Variants in LGR5 observed in about 807,000 individuals in gnomAD.
LGR5 encodes leucine-rich repeat-containing G protein-coupled receptor 5.
A neutral mutation model predicts 76.7 loss-of-function variants in LGR5; 54 were observed. That is an observed-to-expected ratio of 0.70 (90% confidence interval 0.57 to 0.88). The LOEUF is 0.88. LGR5 is among the 40% of genes least tolerant of loss of function. The probability of loss-of-function intolerance (pLI) is 0.00; values close to 1 mark genes in which losing one functional copy is unlikely to be tolerated. For synonymous variants in LGR5, 406 were observed against 421.9 expected, an observed-to-expected ratio of 0.96 and a Z score of 0.46; for missense variants, 1,078 against 1,073.3, an observed-to-expected ratio of 1.00 and a Z score of -0.06.
intron 11 of LGR5, 48 bp downstream of exon 11, chr12:71,566,960 T>G (rs775100824): frequency 7.4e-7 from 1 of 1,353,968 alleles, no homozygotes; most frequent in South Asian, 1.2e-5. Context: ...CAACTTCCAT[T>G]TAGGGGTGAA....
Position 71,511,831 on chromosome 12 carries a change from C to A in LGR5, c.284+7146C>A, listed in dbSNP as rs557458217. ...TCTTATTATCCAGACTTGTGCCTGC[C>A]CTGTCATTTTCTTCTCTTACCTCCT... On this transcript the variant is annotated intron_variant, in intron 2 of 17. Transcript: ENST00000266674. Among the ~76,000 whole-genome samples the A allele has an allele frequency of 9.2e-5, 14 of 152,146 alleles. No homozygotes were observed. The East Asian group carries it at 2.7e-3, about 29-fold the overall frequency.
At chr12:71,455,346 CT>C (rs1170417434) in intron 1 of LGR5, among the ~76,000 whole-genome samples, 1 of 152,014 alleles carries the variant, frequency 6.6e-6, no homozygotes, top group Non-Finnish European at 1.5e-5. Flanking sequence ...TTCAGTCATT[CT>C]AGGAGTCTAC....
chr12:71,566,454 A>G lies in LGR5; in HGVS notation c.908A>G (p.His303Arg). The change falls in exon 9 of 18, where the codon CAT (histidine) becomes CGT (arginine). Residue 303 changes from histidine to arginine, a missense_variant. His to Arg is a conservative substitution (Grantham distance 29). Transcript: ENST00000266674. ...TTTGTTGGGAGATCTGCTTTTCAAC[A>G]TTTACCTGAACTAAGAACACTGTAA... ...IQFVGRSAFQ[H>R]LPELRTLTLN... The G allele has an allele frequency of 6.2e-7, 1 of 1,604,920 alleles. No individual in the cohort carries two copies. The highest frequency in any genetic ancestry group is 8.5e-7 in the Non-Finnish European group (1 of 1,171,962).
rs1263230195 is a variant in LGR5 at position 71,511,143 on chromosome 12, C to T, written c.284+6458C>T. 4.6e-5 allele frequency among the ~76,000 whole-genome samples: 7 copies of T among 152,194 alleles called. 1 individual carries two copies. In the South Asian group the frequency reaches 8.3e-4, roughly 18 times the overall value. On this transcript the variant is annotated intron_variant, in intron 2 of 17. Transcript: ENST00000266674. ...AAATAGATTGGGGAATTATGGAAGCCGAAGGACCTGGTAGGAGGCTACGAT... is the reference window on the plus strand; with the variant it reads ...AAATAGATTGGGGAATTATGGAAGCTGAAGGACCTGGTAGGAGGCTACGAT...
At chr12:71,482,771 T>G (rs1002672880) in intron 1 of LGR5, among the ~76,000 whole-genome samples, 12 of 152,242 alleles carry the variant, frequency 7.9e-5, no homozygotes, top group Admixed American at 7.2e-4. Flanking sequence ...GTGTCAAGAC[T>G]GGGAAATTCT....
intron 13 of LGR5, among the ~76,000 whole-genome samples, chr12:71,575,720 ATATGTGTGTGTGTGTGTGTG>A (rs1565775047): frequency 1.6e-5 from 2 of 122,738 alleles, no homozygotes; most frequent in African/African-American, 8.2e-5. Context: ...CAAAAAATAT[ATATGTGTGTGTGTGTGTGTG>A]TGTGTGTGTG....
chr12:71,570,025 G>A (rs569946356), intron 11 of LGR5, among the ~76,000 whole-genome samples: 28 of 152,268 alleles, frequency 1.8e-4, no homozygotes, highest in Admixed American at 1.3e-3. Flanking sequence ...GGATGAAGCC[G>A]GAAGTCATTA....
At chr12:71,515,107 C>T (rs1382473684) in intron 2 of LGR5, among the ~76,000 whole-genome samples, 1 of 152,200 alleles carries the variant, frequency 6.6e-6, no homozygotes, top group African/African-American at 2.4e-5. Flanking sequence ...TCAATTGCTG[C>T]TGTCATGCAT....
chr12:71,475,845 A>G (rs1290722046), intron 1 of LGR5, among the ~76,000 whole-genome samples: 1 of 152,212 alleles, frequency 6.6e-6, no homozygotes, highest in African/African-American at 2.4e-5. Context: ...TATAGATTTT[A>G]TATTAAATCT....
At chr12:71,515,457 A>G (rs1322759346) in intron 2 of LGR5, among the ~76,000 whole-genome samples, 6 of 152,262 alleles carry the variant, frequency 3.9e-5, no homozygotes, top group African/African-American at 1.4e-4. Flanking sequence ...TTTTACATTT[A>G]AATGATAGTT....
intron 1 of LGR5, among the ~76,000 whole-genome samples, chr12:71,465,548 A>G (rs566244223): frequency 6.6e-6 from 1 of 152,166 alleles, no homozygotes; most frequent in African/African-American, 2.4e-5. Flanking sequence ...TCAGTTTCCT[A>G]GTACTAGGAT....
chr12:71,461,949 C>T (rs149715788), intron 1 of LGR5, among the ~76,000 whole-genome samples: 15 of 152,174 alleles, frequency 9.9e-5, no homozygotes, highest in Non-Finnish European at 1.3e-4. Flanking sequence ...TGTAATCTGC[C>T]GGGTGTGAAT....
Position 71,580,318 on chromosome 12 carries a change from G to A in LGR5, c.1447G>A (p.Gly483Arg). ...MPYAYQCCAF[G>R]VCENAYKISN... Reference sequence around the variant, plus strand: ...TTATGCTTACCAGTGCTGTGCATTTGGAGTGTGTGAGAATGCCTATAAGAT... The same window carrying A: ...TTATGCTTACCAGTGCTGTGCATTTAGAGTGTGTGAGAATGCCTATAAGAT... Residue 483 changes from glycine (G) to arginine (R), a missense_variant, in exon 16 of 18, where the codon GGA becomes AGA. Gly to Arg is a moderately radical substitution (Grantham distance 125, BLOSUM62 -2). Transcript: ENST00000266674. 1 of 1,613,900 alleles carries A rather than the reference G, an allele frequency of 6.2e-7. No homozygotes were observed. Among genetic ancestry groups the A allele is most frequent in the Non-Finnish European group, 8.5e-7 (1 of 1,179,854 alleles).
chr12:71,508,644 CT>C (rs1211368451), intron 2 of LGR5, among the ~76,000 whole-genome samples: 9 of 149,890 alleles, frequency 6.0e-5, no homozygotes, highest in African/African-American at 1.7e-4. Flanking sequence ...GTTCCAGCTA[CT>C]CAGGAGGCTG....
chr12:71,518,361 C>T (rs1004744029), intron 2 of LGR5, among the ~76,000 whole-genome samples: 1 of 152,102 alleles, frequency 6.6e-6, no homozygotes, highest in African/African-American at 2.4e-5. Flanking sequence ...CAGTTGCTGG[C>T]AAGATCGTGG....
chr12:71,471,021 T>C (rs1424081189), intron 1 of LGR5, among the ~76,000 whole-genome samples: 1 of 152,172 alleles, frequency 6.6e-6, no homozygotes, highest in African/African-American at 2.4e-5. Context: ...CCCCTCCCCA[T>C]GAGGACAGGA....
At chr12:71,537,972 A>G (rs775037372) in intron 4 of LGR5, among the ~76,000 whole-genome samples, 1 of 148,972 alleles carries the variant, frequency 6.7e-6, no homozygotes, top group African/African-American at 2.5e-5. Context: ...AATTCACTTT[A>G]TTTTTCTCCA....
intron 1 of LGR5, among the ~76,000 whole-genome samples, chr12:71,464,795 A>C (rs778677175): frequency 1.3e-5 from 2 of 152,200 alleles, no homozygotes; most frequent in Non-Finnish European, 2.9e-5. Flanking sequence ...AGTTGGCATG[A>C]GATTTTTATG....
intron 1 of LGR5, among the ~76,000 whole-genome samples, chr12:71,449,134 G>C (rs1429553548): frequency 6.6e-6 from 1 of 152,150 alleles, no homozygotes; most frequent in Non-Finnish European, 1.5e-5. Context: ...CTCGCTTCAA[G>C]ATAGTATCAG....
Sources: allele counts gnomAD v4.1 joint callset (sites outside exome capture counted in the v4.1 genomes callset), GRCh38; gene constraint gnomAD v4.1.1; transcripts MANE v1.5; gene names NCBI Gene and HGNC (gene_info 2026-07-23, HGNC 2026-07-21).